The following CDH18 variants were observed in gnomAD, a reference collection of about 807,000 sequenced individuals.
CDH18 encodes the protein cadherin-18.
In CDH18, 31 loss-of-function variants were observed where a neutral mutation model predicts 67.9. The observed-to-expected ratio is 0.46, with a 90% confidence interval of 0.34 to 0.62. The LOEUF is 0.62. CDH18 is among the 20% of genes least tolerant of loss of function. CDH18 has a pLI of 0.01. For synonymous variants in CDH18, 362 were observed against 347.2 expected (o/e 1.04, Z -0.48); for missense variants, 890 against 975.5 (o/e 0.91, Z 1.17).
chr5:20,015,094 G>A (rs1737767832), intron 2 of CDH18, among the ~76,000 whole-genome samples: 1 of 152,032 alleles, frequency 6.6e-6, no homozygotes, highest in Admixed American at 6.6e-5. Context: ...AATAAGCCAG[G>A]GTTTTCTATA....
chr5:20,120,352 C>G (rs563051760), intron 2 of CDH18, among the ~76,000 whole-genome samples: 2 of 152,228 alleles, frequency 1.3e-5, no homozygotes, highest in East Asian at 3.9e-4. Context: ...TTCTATGGCA[C>G]TTACATGAAT....
At chr5:19,507,483 T>A (rs1744388736) in intron 10 of CDH18, among the ~76,000 whole-genome samples, 1 of 152,084 alleles carries the variant, frequency 6.6e-6, no homozygotes, top group Admixed American at 6.6e-5. Context: ...CTATTCACAA[T>A]AGCAAAGACT....
chr5:19,696,876 G>A (rs1182166636), intron 5 of CDH18, among the ~76,000 whole-genome samples: 3 of 152,246 alleles, frequency 2.0e-5, no homozygotes, highest in African/African-American at 7.2e-5. Context: ...TAGTTCATTT[G>A]AATAACTGTG....
intron 10 of CDH18, among the ~76,000 whole-genome samples, chr5:19,509,461 T>C (rs1744779513): frequency 6.6e-6 from 1 of 152,142 alleles, no homozygotes; most frequent in East Asian, 1.9e-4. Flanking sequence ...CTAAAATACA[T>C]AGTGTCCTGT....
At chr5:20,020,862 C>T (rs1319159718) in intron 2 of CDH18, among the ~76,000 whole-genome samples, 3 of 152,106 alleles carry the variant, frequency 2.0e-5, no homozygotes, top group African/African-American at 7.2e-5. Context: ...GAGAAGAAGA[C>T]CACCATCATC....
chr5:19,804,563 C>G (rs1173858734), intron 3 of CDH18, among the ~76,000 whole-genome samples: 1 of 152,172 alleles, frequency 6.6e-6, no homozygotes, highest in Non-Finnish European at 1.5e-5. Flanking sequence ...CTGTTCTACT[C>G]TTCAGGTATA....
At chr5:20,152,793 C>T (rs1481152255) in intron 2 of CDH18, among the ~76,000 whole-genome samples, 2 of 151,994 alleles carry the variant, frequency 1.3e-5, no homozygotes, top group Non-Finnish European at 2.9e-5. Context: ...ATCTAAAGAC[C>T]CTATACAGTT....
intron 2 of CDH18, among the ~76,000 whole-genome samples, chr5:19,958,560 T>C (rs1452467654): frequency 6.6e-6 from 1 of 151,840 alleles, no homozygotes; most frequent in Non-Finnish European, 1.5e-5. Flanking sequence ...AGGAACTTGA[T>C]AGGCACTAAG....
At chr5:19,941,043 C>T (rs192911001) in intron 2 of CDH18, among the ~76,000 whole-genome samples, 155 of 152,138 alleles carry the variant, frequency 1.0e-3, no homozygotes, top group African/African-American at 3.5e-3. Flanking sequence ...TGTTTCTCCA[C>T]GATTCTGTGT....
intron 1 of CDH18, among the ~76,000 whole-genome samples, chr5:20,364,409 T>C (rs1010310256): frequency 6.6e-6 from 1 of 152,198 alleles, no homozygotes; most frequent in Non-Finnish European, 1.5e-5. Flanking sequence ...ACTTTATATG[T>C]AGGTATATTT....
At chr5:19,729,914 A>G (rs1003628070) in intron 4 of CDH18, among the ~76,000 whole-genome samples, 1 of 152,144 alleles carries the variant, frequency 6.6e-6, no homozygotes, top group African/African-American at 2.4e-5. Flanking sequence ...TTCCTTATCA[A>G]CAGAATAAGG....
At chr5:19,480,598 C>T (rs1008781044) in intron 12 of CDH18, among the ~76,000 whole-genome samples, 5 of 151,892 alleles carry the variant, frequency 3.3e-5, no homozygotes, top group Non-Finnish European at 5.9e-5. Context: ...AGGATGGTCT[C>T]GATCCCCTGA....
At chr5:19,880,950 A>G (rs1211472988) in intron 2 of CDH18, among the ~76,000 whole-genome samples, 2 of 152,150 alleles carry the variant, frequency 1.3e-5, no homozygotes, top group Admixed American at 6.5e-5. Flanking sequence ...TTGACACTGC[A>G]AACAATTTCT....
intron 2 of CDH18, among the ~76,000 whole-genome samples, chr5:19,890,621 G>A (rs1317353781): frequency 7.0e-6 from 1 of 142,176 alleles, no homozygotes. Flanking sequence ...TTGAGACAAA[G>A]TCTTGCTCTG....
chr5:20,038,738 T>C (rs1740125730), intron 2 of CDH18, among the ~76,000 whole-genome samples: 1 of 152,100 alleles, frequency 6.6e-6, no homozygotes, highest in African/African-American at 2.4e-5. Context: ...GCCAATATCA[T>C]ACTTAATGGG....
intron 2 of CDH18, among the ~76,000 whole-genome samples, chr5:20,114,536 GA>G (rs1174634689): frequency 6.6e-6 from 1 of 152,098 alleles, no homozygotes; most frequent in Non-Finnish European, 1.5e-5. Flanking sequence ...ATTTTTTCAG[GA>G]AGATAAAAAT....
At chr5:19,578,881 T>A in intron 7 of CDH18, among the ~76,000 whole-genome samples, 1 of 152,030 alleles carries the variant, frequency 6.6e-6, no homozygotes, top group East Asian at 1.9e-4. Context: ...TTAAGGTCAT[T>A]ATTTGTTTTC....
rs962731220 is a variant in CDH18, at chr5:19,473,021, T to C, written c.*205A>G. On this transcript the variant is annotated 3_prime_UTR_variant, in exon 13 of 13. Coordinates refer to ENST00000382275, the MANE Select transcript of CDH18 (RefSeq NM_004934.5). Reference sequence around the variant, plus strand: ...TACACAAGGAACAATAACTTTTTCTTTGTATTGTCTTTTTTTTTTTTTTTT... The same window carrying C: ...TACACAAGGAACAATAACTTTTTCTCTGTATTGTCTTTTTTTTTTTTTTTT... 2 of 529,526 alleles carry C rather than the reference T, an allele frequency of 3.8e-6. No homozygotes were observed. Among genetic ancestry groups the C allele is most frequent in the African/African-American group, 3.9e-5 (2 of 50,768 alleles). The allele number at this position is 529,526 out of a possible 1,614,324, so 32.8% of individuals were successfully genotyped here. A position where few individuals can be genotyped will look rare whatever the true frequency, so the allele number is the denominator to read the frequency against.
At chr5:20,413,590 G>A (rs961104911) in intron 1 of CDH18, among the ~76,000 whole-genome samples, 1 of 152,110 alleles carries the variant, frequency 6.6e-6, no homozygotes, top group Non-Finnish European at 1.5e-5. Context: ...TCATGTGTCT[G>A]TTGGCTGCAT....
Sources: allele counts gnomAD v4.1 joint callset (sites outside exome capture counted in the v4.1 genomes callset), GRCh38; gene constraint gnomAD v4.1.1; transcripts MANE v1.5; gene names NCBI Gene and HGNC (gene_info 2026-07-23, HGNC 2026-07-21).